The following AFF3 variants were observed in gnomAD, a reference collection of about 807,000 sequenced individuals.
AFF3 encodes the protein AF4/FMR2 family member 3.
A neutral mutation model predicts 129.7 loss-of-function variants in AFF3; 32 were observed. The ratio of observed to expected loss-of-function variants is 0.25; its 90% CI spans 0.19 to 0.33. The LOEUF is 0.33. Among genes scored for constraint, AFF3 ranks in the 10% least tolerant of loss-of-function variants. AFF3 has a pLI of 1.00. For missense variants in AFF3, 1,373 were observed against 1,592.0 expected (o/e 0.86, Z 2.34); for synonymous variants, 644 against 635.4 (o/e 1.01, Z -0.20).
At position 100,103,674 on chromosome 2, in the gene AFF3, GC is replaced by G. The variant is rs568036718; in HGVS notation, c.53+727del. Among the ~76,000 whole-genome samples, 4 of 152,006 alleles carry G rather than the reference GC, an allele frequency of 2.6e-5. No individual in the cohort carries two copies. In the East Asian group the frequency reaches 7.8e-4, roughly 29 times the overall value. The stretch of plus-strand genomic sequence containing the variant: ...TCCCCCGAGAAACGGAACCTGGAGT[GC>G]CCCCCGGGCTGCGAGCTGTGAGCGT... On this transcript the variant is annotated intron_variant, in intron 4 of 24. Transcript: ENST00000672756.
At chr2:99,728,198 G>A (rs541656773) in intron 10 of AFF3, among the ~76,000 whole-genome samples, 12 of 152,186 alleles carry the variant, frequency 7.9e-5, no homozygotes, top group Non-Finnish European at 1.3e-4. Flanking sequence ...GAGTTTCTTT[G>A]TATTTCCTTG....
chr2:99,874,710 TA>T (rs916974046), intron 7 of AFF3, among the ~76,000 whole-genome samples: 5 of 152,252 alleles, frequency 3.3e-5, no homozygotes, highest in African/African-American at 1.2e-4. Context: ...GAATCTTCAT[TA>T]AGAAAACTGG....
intron 8 of AFF3, among the ~76,000 whole-genome samples, chr2:99,817,511 G>A (rs895696658): frequency 2.0e-5 from 3 of 152,144 alleles, no homozygotes; most frequent in African/African-American, 4.8e-5. Context: ...GCTCCTTCCA[G>A]ATTACTGCCT....
chr2:99,936,920 A>G (rs896291806), intron 7 of AFF3, among the ~76,000 whole-genome samples: 2 of 152,196 alleles, frequency 1.3e-5, no homozygotes, highest in Admixed American at 1.3e-4. Flanking sequence ...CACAGCTCTC[A>G]GCCTCTCAGG....
chr2:100,001,985 C>A (rs1228644046), intron 7 of AFF3, among the ~76,000 whole-genome samples: 2 of 152,214 alleles, frequency 1.3e-5, no homozygotes, highest in African/African-American at 4.8e-5. Context: ...GCGTAACCAT[C>A]CGTGCTGTTG....
intron 8 of AFF3, among the ~76,000 whole-genome samples, chr2:99,819,703 T>C (rs1244727426): frequency 6.6e-6 from 1 of 152,198 alleles, no homozygotes; most frequent in Non-Finnish European, 1.5e-5. Context: ...CTGACATCTA[T>C]ATTGGGTCAG....
intron 8 of AFF3, among the ~76,000 whole-genome samples, chr2:99,835,265 A>G (rs1432405920): frequency 6.6e-6 from 1 of 152,142 alleles, no homozygotes; most frequent in African/African-American, 2.4e-5. Context: ...TCCGCATCTT[A>G]TAGGATCTAC....
intron 17 of AFF3, among the ~76,000 whole-genome samples, chr2:99,582,033 T>G (rs1286708870): frequency 6.6e-6 from 1 of 151,952 alleles, no homozygotes; most frequent in Non-Finnish European, 1.5e-5. Flanking sequence ...TTTTGTATTT[T>G]CAGTATAGAT....
chr2:99,612,242 G>A (rs1681007606), intron 13 of AFF3, among the ~76,000 whole-genome samples: 2 of 152,182 alleles, frequency 1.3e-5, no homozygotes, highest in African/African-American at 4.8e-5. Context: ...CAAGTAGAAA[G>A]GAACCCTCTC....
At chr2:99,660,246 TG>T (rs1453932721) in intron 12 of AFF3, among the ~76,000 whole-genome samples, 2 of 152,246 alleles carry the variant, frequency 1.3e-5, no homozygotes, top group African/African-American at 4.8e-5. Context: ...AATGTTACTT[TG>T]TTTTTGTAGA....
chr2:99,802,002 G>T (rs796804674), intron 8 of AFF3, among the ~76,000 whole-genome samples: 13 of 152,192 alleles, frequency 8.5e-5, no homozygotes, highest in African/African-American at 2.9e-4. Flanking sequence ...CATAATTACT[G>T]TAATCGGATT....
intron 7 of AFF3, among the ~76,000 whole-genome samples, chr2:99,880,956 C>G (rs1345796229): frequency 6.6e-6 from 1 of 152,194 alleles, no homozygotes; most frequent in Non-Finnish European, 1.5e-5. Flanking sequence ...TGGGGGCAGA[C>G]AGCAGAGAGC....
intron 13 of AFF3, among the ~76,000 whole-genome samples, chr2:99,602,728 G>A (rs1174992441): frequency 6.6e-6 from 1 of 152,198 alleles, no homozygotes; most frequent in African/African-American, 2.4e-5. Context: ...CCAGGGGCCA[G>A]GGAGCTTGTG....
At chr2:99,791,161 A>G (rs1685160998) in intron 8 of AFF3, among the ~76,000 whole-genome samples, 1 of 152,170 alleles carries the variant, frequency 6.6e-6, no homozygotes, top group Non-Finnish European at 1.5e-5. Flanking sequence ...TAGGAGAGTA[A>G]GGGTTGAGGT....
At chr2:99,580,383 T>C (rs574881246) in intron 17 of AFF3, among the ~76,000 whole-genome samples, 1 of 152,320 alleles carries the variant, frequency 6.6e-6, no homozygotes, top group Admixed American at 6.5e-5. Context: ...GGATGGAGAC[T>C]GTGCAGCCCA....
intron 11 of AFF3, among the ~76,000 whole-genome samples, chr2:99,722,445 T>C (rs1276024449): frequency 6.6e-6 from 1 of 152,206 alleles, no homozygotes; most frequent in Admixed American, 6.5e-5. Context: ...GTACTTAGTG[T>C]TATACTTTGT....
intron 14 of AFF3, among the ~76,000 whole-genome samples, chr2:99,596,527 C>T (rs1004563769): frequency 3.3e-5 from 5 of 152,188 alleles, no homozygotes; most frequent in Admixed American, 2.0e-4. Context: ...GGAATGGATG[C>T]TGAAGGGGCC....
intron 8 of AFF3, among the ~76,000 whole-genome samples, chr2:99,802,653 ACT>A (rs1448159200): frequency 6.7e-6 from 1 of 148,884 alleles, no homozygotes; most frequent in Non-Finnish European, 1.5e-5. Flanking sequence ...ATAAAGTGAG[ACT>A]CTGTCTCTAA....
At chr2:100,128,146 G>A (rs149306608) in intron 2 of AFF3, among the ~76,000 whole-genome samples, 111 of 152,256 alleles carry the variant, frequency 7.3e-4, no homozygotes, top group African/African-American at 2.5e-3. Flanking sequence ...CTTGTTTAGC[G>A]TATCATCCAG....
Sources: allele counts gnomAD v4.1 joint callset (sites outside exome capture counted in the v4.1 genomes callset), GRCh38; gene constraint gnomAD v4.1.1; transcripts MANE v1.5; gene names NCBI Gene and HGNC (gene_info 2026-07-23, HGNC 2026-07-21).